The following SVOP variants were observed in gnomAD, a reference collection of about 807,000 sequenced individuals.
The protein encoded by SVOP is SV2 related protein, also known as synaptic vesicle 2-related protein.
A neutral mutation model predicts 69.1 loss-of-function variants in SVOP; 17 were observed. The ratio of observed to expected loss-of-function variants is 0.25; its 90% CI spans 0.17 to 0.37. The LOEUF (loss-of-function observed/expected upper bound fraction) is 0.37, where lower values mean the gene tolerates loss of function less well. Among genes scored for constraint, SVOP ranks in the 10% least tolerant of loss-of-function variants. The probability of loss-of-function intolerance (pLI) is 1.00; values close to 1 mark genes in which losing one functional copy is unlikely to be tolerated. For missense variants in SVOP, 435 were observed against 597.5 expected, an observed-to-expected ratio of 0.73 and a Z score of 2.84; for synonymous variants, 238 against 238.6, an observed-to-expected ratio of 1.00 and a Z score of 0.02.
chr12:108,937,414 G>T, intron 9 of SVOP, 77 bp from the exon 10 acceptor site: 1 of 1,364,122 alleles, frequency 7.3e-7, no homozygotes, highest in Non-Finnish European at 1.0e-6. Flanking sequence ...CCTGAGACTA[G>T]TGCACACCAG....
At chr12:108,913,387 C>T (rs575086508) in intron 15 of SVOP, among the ~76,000 whole-genome samples, 1 of 152,216 alleles carries the variant, frequency 6.6e-6, no homozygotes. Flanking sequence ...CAACACAAAA[C>T]GGACCAACAC....
Position 108,963,550 on chromosome 12 carries a change from C to T in SVOP, c.454-2503G>A, listed in dbSNP as rs137976518. 3.8e-4 allele frequency among the ~76,000 whole-genome samples: 58 copies of T among 152,044 alleles called. No homozygotes were observed. The East Asian group carries it at 8.3e-3, about 22-fold the overall frequency. On this transcript the variant is annotated intron_variant, in intron 5 of 15. Transcript: ENST00000610966. ...TCACCCAGGCTGGAGTGCAGTGGCA[C>T]GATCTCAGCTCACTGCAACCTCCGC...
chr12:108,936,731 C>T (rs369422276), intron 10 of SVOP, among the ~76,000 whole-genome samples: 27 of 152,316 alleles, frequency 1.8e-4, no homozygotes, highest in African/African-American at 6.0e-4. Flanking sequence ...CCACCTTGAC[C>T]TTACCAAAGT....
rs181507264 is a variant in SVOP, at chr12:108,989,086, T to C, written c.36-5325A>G. 2.6e-3 allele frequency among the ~76,000 whole-genome samples: 393 copies of C among 152,276 alleles called. 1 individual carries two copies. The highest frequency in any genetic ancestry group is 5.6e-3 in the South Asian group (27 of 4,826). On this transcript the variant is annotated intron_variant, in intron 1 of 15. Coordinates refer to ENST00000610966, the MANE Select transcript of SVOP (RefSeq NM_018711.5). ...CCATGCCCACCCTCCTTTTTTTCTT[T>C]TGAGACGGAGTCTCGCTCTGTTGCT... is the stretch of plus-strand genomic sequence containing the variant.
At chr12:108,918,259 C>T (rs2039726407) in intron 13 of SVOP, 135 bp from the exon 14 acceptor site, 1 of 567,718 alleles carries the variant, frequency 1.8e-6, no homozygotes. Flanking sequence ...TTGATACAGA[C>T]ATGCAGGCAC....
At chr12:108,932,169 C>T (rs972047852) in intron 11 of SVOP, among the ~76,000 whole-genome samples, 3 of 152,052 alleles carry the variant, frequency 2.0e-5, no homozygotes, top group Non-Finnish European at 4.4e-5. Flanking sequence ...GCACACACCA[C>T]CATGCCCAGC....
chr12:108,937,210 A>G, intron 10 of SVOP, 54 bp downstream of exon 10: 2 of 1,596,060 alleles, frequency 1.3e-6, no homozygotes, highest in Non-Finnish European at 1.7e-6. Context: ...ACAAAACCCA[A>G]AACAGGGCAC....
At chr12:108,944,895 T>G (rs144748104) in intron 7 of SVOP, among the ~76,000 whole-genome samples, 3 of 152,146 alleles carry the variant, frequency 2.0e-5, no homozygotes, top group African/African-American at 7.2e-5. Flanking sequence ...GGACGATAGA[T>G]TGAATGTTTT....
chr12:108,937,413 A>G, intron 9 of SVOP, 76 bp from the exon 10 acceptor site: 1 of 1,362,702 alleles, frequency 7.3e-7, no homozygotes, highest in Admixed American at 1.7e-5. Flanking sequence ...GCCTGAGACT[A>G]GTGCACACCA....
intron 14 of SVOP, among the ~76,000 whole-genome samples, chr12:108,916,119 G>A (rs998318819): frequency 6.6e-6 from 1 of 152,156 alleles, no homozygotes; most frequent in Non-Finnish European, 1.5e-5. Flanking sequence ...TCCTGGGGGG[G>A]GCTCCCCAAA....
intron 11 of SVOP, 99 bp from the exon 12 acceptor site, chr12:108,922,896 A>C: frequency 3.7e-6 from 3 of 811,200 alleles, no homozygotes; most frequent in Non-Finnish European, 6.1e-6. Flanking sequence ...GATTCAGTTT[A>C]GATGCCATAG....
chr12:108,981,672 A>G (rs1291241656), intron 2 of SVOP, among the ~76,000 whole-genome samples: 2 of 152,174 alleles, frequency 1.3e-5, no homozygotes, highest in African/African-American at 4.8e-5. Context: ...CACCTGCAAA[A>G]TGGGGAAGAT....
chr12:108,914,805 G>A (rs535765393), intron 15 of SVOP, among the ~76,000 whole-genome samples: 192 of 150,828 alleles, frequency 1.3e-3, no homozygotes, highest in African/African-American at 4.3e-3. Flanking sequence ...TGATCTGCCC[G>A]CCTCAGCCTC....
intron 2 of SVOP, among the ~76,000 whole-genome samples, chr12:108,979,997 C>CCCCA (rs2137435785): frequency 6.6e-6 from 1 of 152,150 alleles, no homozygotes; most frequent in East Asian, 1.9e-4. Flanking sequence ...CATAGTGAGT[C>CCCCA]CCCATCTCTA....
chr12:108,919,900 ACT>A, intron 12 of SVOP, 114 bp from the exon 13 acceptor site: 1 of 670,072 alleles, frequency 1.5e-6, no homozygotes, highest in East Asian at 2.8e-5. Context: ...AGACTTAGTG[ACT>A]CACTTCTAAT....
chr12:108,996,775 T>C (rs1255107144), intron 1 of SVOP, among the ~76,000 whole-genome samples: 1 of 151,762 alleles, frequency 6.6e-6, no homozygotes, highest in Non-Finnish European at 1.5e-5. Context: ...CTACAAAAAA[T>C]ACAGAAATTA....
intron 1 of SVOP, among the ~76,000 whole-genome samples, chr12:108,994,288 G>A (rs922020503): frequency 2.8e-4 from 43 of 151,976 alleles, no homozygotes; most frequent in Non-Finnish European, 6.0e-4. Context: ...GAGGTCAGGA[G>A]TTTCAAACCA....
intron 1 of SVOP, among the ~76,000 whole-genome samples, chr12:109,000,940 T>G (rs1328573220): frequency 6.7e-6 from 1 of 150,108 alleles, no homozygotes; most frequent in African/African-American, 2.5e-5. Flanking sequence ...CTATTCAACA[T>G]AGTGTTGGCA....
chr12:108,916,260 TAC>T (rs1414404291), intron 14 of SVOP, among the ~76,000 whole-genome samples: 6 of 152,252 alleles, frequency 3.9e-5, no homozygotes, highest in Non-Finnish European at 5.9e-5. Context: ...TGGAAATGTT[TAC>T]AGTCTCTCAG....
Sources: allele counts gnomAD v4.1 joint callset (sites outside exome capture counted in the v4.1 genomes callset), GRCh38; gene constraint gnomAD v4.1.1; transcripts MANE v1.5; gene names NCBI Gene and HGNC (gene_info 2026-07-23, HGNC 2026-07-21).